ZNF718: variants seen among roughly 807,000 people sequenced by gnomAD.
The protein encoded by ZNF718 is zinc finger protein 718.
Under a neutral mutation model 2.6 loss-of-function variants are expected in ZNF718, and 3 were observed. The observed-to-expected ratio is 1.16, with a 90% CI of 0.53 to 3.01. The LOEUF is 3.01. ZNF718 is among the 30% of genes most tolerant of loss of function. ZNF718 has a pLI of 0.03. For synonymous variants in ZNF718, 135 were observed against 77.9 expected, an observed-to-expected ratio of 1.73 and a Z score of -3.86; for missense variants, 468 against 230.0, an observed-to-expected ratio of 2.03 and a Z score of -6.69.
At chr4:178,649 T>C (rs1223872049) in intron 3 of ZNF718, among the ~76,000 whole-genome samples, 1 of 152,180 alleles carries the variant, frequency 6.6e-6, no homozygotes, top group Non-Finnish European at 1.5e-5. Flanking sequence ...AAAAATAATT[T>C]TGATGATCCT....
intron 3 of ZNF718, among the ~76,000 whole-genome samples, chr4:135,742 G>C (rs4374576): frequency 3.5e-5 from 2 of 57,378 alleles, no homozygotes; most frequent in East Asian, 8.3e-4. Flanking sequence ...TTATATATAT[G>C]TGCATGATTA....
chr4:124,848 C>T, intron 1 of ZNF718, 175 bp downstream of exon 1: 1 of 757,884 alleles, frequency 1.3e-6, no homozygotes, highest in Non-Finnish European at 2.1e-6. Context: ...TCTGGCCCAG[C>T]CTGCAGCCCT....
chr4:161,486 C>T lies in ZNF718; in HGVS notation c.801C>T (p.Ser267=). Residue 267 remains serine (S), a synonymous_variant, in exon 4 of 4, where the codon TCC becomes TCT. Transcript: ENST00000510175. ...CEKCGKAFNQ[S]STLNLHKRIH... is the part of the protein sequence containing the mutation. ...AATGTGGTAAAGCTTTTAACCAATC[C>T]TCAACCCTTAATTTACATAAGAGAA... The T allele has an allele frequency of 1.3e-6, 1 of 776,636 alleles. No homozygotes were observed. The highest frequency in any genetic ancestry group is 2.4e-6 in the Non-Finnish European group (1 of 414,592). 48.1% of individuals were successfully genotyped at this position (776,636 alleles called of 1,614,324 possible).
rs565981914 is a variant in ZNF718 at position 163,494 on chromosome 4, G to A, written c.*1372G>A. 8 of 152,306 alleles carry A rather than the reference G, an allele frequency of 5.3e-5. No individual in the cohort carries two copies. In the East Asian group the frequency reaches 9.7e-4, roughly 18 times the overall value. The allele number at this position is 152,306 out of a possible 1,614,324, so 9.4% of individuals were successfully genotyped here. A position where few individuals can be genotyped will look rare whatever the true frequency, so the allele number is the denominator to read the frequency against. On this transcript the variant is annotated 3_prime_UTR_variant, in exon 4 of 4. Coordinates refer to ENST00000510175, the MANE Select transcript of ZNF718 (RefSeq NM_001039127.6). ...TATTCATGAACTTTTACATGAATGA[G>A]TAAGGACATTGAAAGATGCATGAGA...
At chr4:178,326 G>GT (rs1161804884) in intron 3 of ZNF718, among the ~76,000 whole-genome samples, 1 of 151,808 alleles carries the variant, frequency 6.6e-6, no homozygotes, top group East Asian at 1.9e-4. Flanking sequence ...TTTTGTAGAG[G>GT]TGGGGTCTCC....
intron 3 of ZNF718, among the ~76,000 whole-genome samples, chr4:197,352 G>T (rs1402014038): frequency 3.3e-5 from 5 of 152,080 alleles, no homozygotes; most frequent in Admixed American, 2.6e-4. Flanking sequence ...GGCTAAGAAA[G>T]ACAAAGATAA....
chr4:189,059 ATTT>A (rs1228743332), intron 3 of ZNF718, among the ~76,000 whole-genome samples: 2 of 134,828 alleles, frequency 1.5e-5, no homozygotes, highest in Non-Finnish European at 3.1e-5. Flanking sequence ...TCTGTAGATT[ATTT>A]TTTTTTTTTT....
intron 3 of ZNF718, among the ~76,000 whole-genome samples, chr4:191,369 C>A (rs1560133135): frequency 6.6e-6 from 1 of 151,988 alleles, no homozygotes; most frequent in African/African-American, 2.4e-5. Context: ...TCAGGCTGGT[C>A]TTGAACTCCT....
chr4:171,806 C>A (rs1363870043), intron 3 of ZNF718, among the ~76,000 whole-genome samples: 2 of 152,188 alleles, frequency 1.3e-5, no homozygotes, highest in Non-Finnish European at 2.9e-5. Context: ...TGAGGCAATG[C>A]CTCGCCCTGC....
downstream of ZNF718, among the ~76,000 whole-genome samples, chr4:165,804 A>G (rs372376291): frequency 1.8e-4 from 28 of 152,278 alleles, 1 homozygote; most frequent in South Asian, 5.8e-3. Flanking sequence ...GTGTCAAAAG[A>G]AGGAAATTTC....
At position 176,563 on chromosome 4, in the gene ZNF718, C is replaced by T. The variant is rs4130849; in HGVS notation, c.227-24518C>T. ...TTTTTTAACTTTCATTAAATATTCC[C>T]GATACCAAATGAGATTCTCTACTTA... On this transcript the variant is annotated intron_variant and NMD_transcript_variant, in intron 3 of 4. Coordinates refer to the ZNF718 transcript ENST00000642529. Among the ~76,000 whole-genome samples the T allele has an allele frequency of 8.5e-3, 1,296 of 152,206 alleles. 17 individuals are homozygous for T. Among genetic ancestry groups the T allele is most frequent in the Middle Eastern group, 0.061 (18 of 294 alleles).
At chr4:167,029 A>G (rs558849732), downstream of ZNF718, among the ~76,000 whole-genome samples, 69 of 152,276 alleles carry the variant, frequency 4.5e-4, no homozygotes, top group African/African-American at 1.6e-3. Flanking sequence ...ATTTTTGTAT[A>G]AGGTGTAAGG....
chr4:136,392 C>A (rs1553809336), intron 3 of ZNF718: 1 of 520,390 alleles, frequency 1.9e-6, no homozygotes, highest in South Asian at 1.4e-5. Context: ...GGGTGTGTCT[C>A]CTTGCAGGTC....
At chr4:167,321 T>C (rs528543565), downstream of ZNF718, among the ~76,000 whole-genome samples, 1 of 152,296 alleles carries the variant, frequency 6.6e-6, no homozygotes, top group Admixed American at 6.5e-5. Context: ...TTAGGATTGC[T>C]TTGCAATGTG....
chr4:139,140 T>G (rs1715701379), intron 3 of ZNF718, among the ~76,000 whole-genome samples: 1 of 152,220 alleles, frequency 6.6e-6, no homozygotes, highest in African/African-American at 2.4e-5. Flanking sequence ...TGATTCCATT[T>G]GTTCATTTTT....
chr4:151,856 G>C (rs1170815620), intron 3 of ZNF718, among the ~76,000 whole-genome samples: 1 of 150,442 alleles, frequency 6.6e-6, no homozygotes, highest in Non-Finnish European at 1.5e-5. Context: ...AAGGGGACCC[G>C]GGGAACCAGC....
In ZNF718 at chr4:160,397, A is replaced by C. The variant is rs1181734372; in HGVS notation, c.227-515A>C. Among the ~76,000 whole-genome samples the C allele has an allele frequency of 2.0e-5, 3 of 152,208 alleles. No homozygotes were observed. The East Asian group carries it at 5.8e-4, about 29-fold the overall frequency. On this transcript the variant is annotated intron_variant, in intron 3 of 3. Coordinates refer to ENST00000510175, the MANE Select transcript of ZNF718 (RefSeq NM_001039127.6). Reference sequence around the variant, plus strand: ...ATTAACTCATTTATAGATTTCACACAAAGGCATTTTGGTCAGTATATTTTT... The same window carrying C: ...ATTAACTCATTTATAGATTTCACACCAAGGCATTTTGGTCAGTATATTTTT...
At chr4:140,913 C>T (rs1353741197) in intron 3 of ZNF718, among the ~76,000 whole-genome samples, 1 of 152,110 alleles carries the variant, frequency 6.6e-6, no homozygotes, top group Non-Finnish European at 1.5e-5. Flanking sequence ...AATATAAATG[C>T]CTTCATAATT....
intron 3 of ZNF718, among the ~76,000 whole-genome samples, chr4:198,236 T>C (rs1290932513): frequency 6.6e-6 from 1 of 152,214 alleles, no homozygotes; most frequent in Non-Finnish European, 1.5e-5. Flanking sequence ...TCTTCTCATC[T>C]GCCATGGCTG....
Sources: allele counts gnomAD v4.1 joint callset (sites outside exome capture counted in the v4.1 genomes callset), GRCh38; gene constraint gnomAD v4.1.1; transcripts MANE v1.5; gene names NCBI Gene and HGNC (gene_info 2026-07-23, HGNC 2026-07-21).